The following MSRA variants were observed in gnomAD, a reference collection of about 807,000 sequenced individuals.
MSRA encodes methionine sulfoxide reductase A, also known as mitochondrial peptide methionine sulfoxide reductase.
Under a neutral mutation model 31.3 loss-of-function variants are expected in MSRA, and 54 were observed. That is an observed-to-expected ratio of 1.73 (90% CI 1.39 to 2.17). The LOEUF (loss-of-function observed/expected upper bound fraction) is 2.17. Ranked by LOEUF, MSRA falls within the 30% of genes most tolerant of loss-of-function variation. The pLI is 0.00. For synonymous variants in MSRA, 169 were observed against 116.5 expected, an observed-to-expected ratio of 1.45 and a Z score of -2.90; for missense variants, 507 against 300.9, an observed-to-expected ratio of 1.69 and a Z score of -5.07.
At chr8:10,280,691 A>G (rs931163370) in intron 3 of MSRA, among the ~76,000 whole-genome samples, 7 of 152,212 alleles carry the variant, frequency 4.6e-5, no homozygotes, top group Admixed American at 2.6e-4. Flanking sequence ...AGTCATGACA[A>G]CCTGTGTCCA....
intron 3 of MSRA, among the ~76,000 whole-genome samples, chr8:10,259,214 C>T (rs1798341067): frequency 6.6e-6 from 1 of 152,088 alleles, no homozygotes; most frequent in East Asian, 1.9e-4. Context: ...GATCTATGGC[C>T]ACTCTCTGGC....
At chr8:10,363,078 T>C (rs570875927) in intron 5 of MSRA, among the ~76,000 whole-genome samples, 81 of 152,306 alleles carry the variant, frequency 5.3e-4, no homozygotes, top group African/African-American at 1.8e-3. Context: ...CATTTGGTGG[T>C]TGGTGAGCAA....
intron 1 of MSRA, among the ~76,000 whole-genome samples, chr8:10,080,949 A>C (rs545231086): frequency 2.0e-5 from 3 of 152,346 alleles, no homozygotes; most frequent in African/African-American, 7.2e-5. Context: ...GCTGTTGGGC[A>C]AGGCATAGTC....
intron 1 of MSRA, among the ~76,000 whole-genome samples, chr8:10,128,642 G>C (rs1801671144): frequency 6.6e-6 from 1 of 152,196 alleles, no homozygotes; most frequent in Non-Finnish European, 1.5e-5. Flanking sequence ...TGCACTTCAT[G>C]AGGGTGATGC....
intron 1 of MSRA, among the ~76,000 whole-genome samples, chr8:10,126,241 A>C (rs1280963673): frequency 1.3e-5 from 2 of 152,228 alleles, no homozygotes; most frequent in African/African-American, 4.8e-5. Context: ...TGATGGGCAA[A>C]ATGGATGGTT....
intron 5 of MSRA, among the ~76,000 whole-genome samples, chr8:10,385,384 A>C (rs1376853245): frequency 6.6e-6 from 1 of 152,194 alleles, no homozygotes; most frequent in Non-Finnish European, 1.5e-5. Context: ...GGTTGAGGAG[A>C]GAGTTCAAAG....
chr8:10,137,580 T>C (rs1707190387), intron 1 of MSRA, among the ~76,000 whole-genome samples: 1 of 152,178 alleles, frequency 6.6e-6, no homozygotes, highest in South Asian at 2.1e-4. Context: ...ATAAGCTTAG[T>C]AGGAATCAGT....
At chr8:10,058,730 G>A (rs1802536520) in intron 1 of MSRA, among the ~76,000 whole-genome samples, 1 of 152,220 alleles carries the variant, frequency 6.6e-6, no homozygotes, top group African/African-American at 2.4e-5. Flanking sequence ...AGTGAGAACA[G>A]CCTAGTACCT....
At chr8:10,080,150 G>A (rs562245480) in intron 1 of MSRA, among the ~76,000 whole-genome samples, 5 of 152,246 alleles carry the variant, frequency 3.3e-5, no homozygotes, top group African/African-American at 1.2e-4. Flanking sequence ...GAAAGAAGAT[G>A]GAGGCCTAGC....
chr8:10,260,009 T>C (rs1798389261), intron 3 of MSRA, among the ~76,000 whole-genome samples: 1 of 152,220 alleles, frequency 6.6e-6, no homozygotes, highest in Non-Finnish European at 1.5e-5. Flanking sequence ...TGGACCTGCG[T>C]CACTGAGAAT....
At chr8:10,078,710 A>G (rs1798123874) in intron 1 of MSRA, among the ~76,000 whole-genome samples, 1 of 152,236 alleles carries the variant, frequency 6.6e-6, no homozygotes, top group African/African-American at 2.4e-5. Context: ...CCTTAGCTAT[A>G]ACCATTTTTC....
intron 1 of MSRA, among the ~76,000 whole-genome samples, chr8:10,108,828 T>C (rs1203498023): frequency 2.6e-5 from 4 of 152,066 alleles, no homozygotes; most frequent in Non-Finnish European, 5.9e-5. Flanking sequence ...TAGTTCTCTG[T>C]CTCTCCACTC....
chr8:10,127,228 G>C (rs1316366249), intron 1 of MSRA, among the ~76,000 whole-genome samples: 1 of 151,880 alleles, frequency 6.6e-6, no homozygotes, highest in African/African-American at 2.4e-5. Flanking sequence ...TTCCATTATT[G>C]GAACGCTAAG....
chr8:10,227,066 C>G (rs59910171), intron 2 of MSRA, among the ~76,000 whole-genome samples: 21,575 of 152,146 alleles, frequency 0.14, 1,671 homozygotes, highest in East Asian at 0.27. Flanking sequence ...TGGGGAGCAG[C>G]TGTGGCTCCA....
intron 5 of MSRA, among the ~76,000 whole-genome samples, chr8:10,361,150 A>C (rs1339666650): frequency 1.3e-5 from 2 of 152,194 alleles, no homozygotes; most frequent in Non-Finnish European, 2.9e-5. Flanking sequence ...ACATTTAATG[A>C]GGAGAGGAGT....
chr8:10,191,464 A>G (rs1807498878), intron 1 of MSRA, among the ~76,000 whole-genome samples: 1 of 152,266 alleles, frequency 6.6e-6, no homozygotes, highest in Non-Finnish European at 1.5e-5. Flanking sequence ...ACAAAACAGC[A>G]GGAAAAGCAA....
At chr8:10,398,196 G>T (rs947306631) in intron 5 of MSRA, among the ~76,000 whole-genome samples, 8 of 152,130 alleles carry the variant, frequency 5.3e-5, no homozygotes, top group Admixed American at 4.6e-4. Context: ...AGTTCTTTTC[G>T]CTCAGTCCAG....
chr8:10,151,267 A>AT (rs1803647606), intron 1 of MSRA, among the ~76,000 whole-genome samples: 3 of 146,260 alleles, frequency 2.1e-5, no homozygotes, highest in East Asian at 4.1e-4. Context: ...GTCTCAAAAA[A>AT]AAAAAAAAAA....
At chr8:10,322,951 G>A (rs556405906) in intron 5 of MSRA, among the ~76,000 whole-genome samples, 14 of 152,120 alleles carry the variant, frequency 9.2e-5, no homozygotes, top group African/African-American at 2.7e-4. Context: ...TTAGCCAGGC[G>A]TGGTTACACG....
Sources: allele counts gnomAD v4.1 joint callset (sites outside exome capture counted in the v4.1 genomes callset), GRCh38; gene constraint gnomAD v4.1.1; transcripts MANE v1.5; gene names NCBI Gene and HGNC (gene_info 2026-07-23, HGNC 2026-07-21).